The following DNAH10 variants were observed in gnomAD, a reference collection of about 807,000 sequenced individuals.
DNAH10 encodes axonemal beta dynein heavy chain 10.
In DNAH10, 348 loss-of-function variants were observed where a neutral mutation model predicts 506.6. The ratio of observed to expected loss-of-function variants is 0.69; its 90% CI spans 0.63 to 0.75. DNAH10 has a LOEUF of 0.75. DNAH10 is among the 30% of genes least tolerant of loss of function. The pLI is 0.00. For missense variants in DNAH10, 5,179 were observed against 5,787.1 expected (o/e 0.89, Z 3.41); for synonymous variants, 2,059 against 2,198.6 (o/e 0.94, Z 1.78).
intron 30 of DNAH10, among the ~76,000 whole-genome samples, chr12:123,844,213 C>T (rs1008150145): frequency 2.0e-5 from 3 of 152,114 alleles, no homozygotes; most frequent in Admixed American, 6.5e-5. Flanking sequence ...CTCAGTATCA[C>T]GAGAACAGCA....
chr12:123,795,982 T>C (rs1958260676), intron 12 of DNAH10, among the ~76,000 whole-genome samples: 1 of 152,110 alleles, frequency 6.6e-6, no homozygotes, highest in South Asian at 2.1e-4. Context: ...CTATAGCCCA[T>C]GAATATGTAT....
In DNAH10 at chr12:123,928,701, A is replaced by G; in HGVS notation, c.12306+114A>G. 1 of 1,237,954 alleles carries G rather than the reference A, an allele frequency of 8.1e-7. No individual in the cohort carries two copies. The highest frequency in any genetic ancestry group is 1.1e-6 in the Non-Finnish European group (1 of 909,392). The allele number at this position is 1,237,954 out of a possible 1,614,324, so 76.7% of individuals were successfully genotyped here. ...TGTGTAGAAATAAACCTTAGGCTGCAGGTGAAACCTTGCGGTTGAAACCCT... is the reference window on the plus strand; with the variant it reads ...TGTGTAGAAATAAACCTTAGGCTGCGGGTGAAACCTTGCGGTTGAAACCCT... On this transcript the variant is annotated intron_variant, in intron 70 of 78. Transcript: ENST00000673944. This position sits in a 1 kb window ranked among gnomAD's most constrained non-coding sequence, Gnocchi z 4.9.
chr12:123,909,702 G>A lies in DNAH10; in HGVS notation c.9997+260G>A, dbSNP rs914820966. Among the ~76,000 whole-genome samples, 6 of 152,238 alleles carry A rather than the reference G, an allele frequency of 3.9e-5. No homozygotes were observed. Among genetic ancestry groups the A allele is most frequent in the African/African-American group, 7.2e-5 (3 of 41,462 alleles). Reference sequence around the variant, plus strand: ...GATTCGGCACTAGTCCTAGCTCTCCGTGTCAGGAAACAGGATCTTCTCATT... The same window carrying A: ...GATTCGGCACTAGTCCTAGCTCTCCATGTCAGGAAACAGGATCTTCTCATT... On this transcript the variant is annotated intron_variant, in intron 58 of 78. Coordinates refer to ENST00000673944, the MANE Select transcript of DNAH10 (RefSeq NM_001372106.1). This position sits in a 1 kb window ranked among gnomAD's most constrained non-coding sequence, Gnocchi z 5.4.
intron 5 of DNAH10, among the ~76,000 whole-genome samples, chr12:123,780,830 T>C (rs1594000493): frequency 6.7e-6 from 1 of 148,776 alleles, no homozygotes; most frequent in Non-Finnish European, 1.5e-5. Flanking sequence ...GTGCCTGTAA[T>C]CCCAGCCACT....
rs776110448 is a variant in DNAH10 at position 123,771,582 on chromosome 12, A to G, written c.299-19A>G. 3.1e-6 allele frequency: 5 copies of G among 1,606,828 alleles called. No homozygotes were observed. In the South Asian group the frequency reaches 5.6e-5, roughly 18 times the overall value. ...TAATTTTCTGATTATTTTCTCTTAA[A>G]CTGATTGCTGTTTTGCAGCTAAGCG... is the stretch of plus-strand genomic sequence containing the variant. On this transcript the variant is annotated intron_variant, in intron 2 of 78. Coordinates refer to ENST00000673944, the MANE Select transcript of DNAH10 (RefSeq NM_001372106.1).
At position 123,901,524 on chromosome 12, in the gene DNAH10, T is replaced by C. The variant is rs566577200; in HGVS notation, c.9641-1415T>C. The stretch of plus-strand genomic sequence containing the variant: ...TGTGGAGATGGGTTCCGAGAGACCT[T>C]ATCATGGGGGAGGCAGAGCCTCTGC... On this transcript the variant is annotated intron_variant, in intron 56 of 78. Coordinates refer to ENST00000673944, the MANE Select transcript of DNAH10 (RefSeq NM_001372106.1). Among the ~76,000 whole-genome samples, 4 of 152,320 alleles carry C rather than the reference T, an allele frequency of 2.6e-5. No homozygotes were observed. In the South Asian group the frequency reaches 8.3e-4, roughly 32 times the overall value.
chr12:123,810,666 C>A (rs1958897137), intron 19 of DNAH10, among the ~76,000 whole-genome samples: 1 of 151,768 alleles, frequency 6.6e-6, no homozygotes, highest in South Asian at 2.1e-4. Context: ...GCACTCCAGC[C>A]TGGGCGACAG....
Position 123,885,092 on chromosome 12 carries a change from T to C in DNAH10, c.8824-2050T>C, listed in dbSNP as rs550804935. On this transcript the variant is annotated intron_variant, in intron 51 of 78. Transcript: ENST00000673944. ...TCAACTTACAATGGGTTTATCTGGA[T>C]GTGACCCCATCGTTAAGTTGAGGAG... is the stretch of plus-strand genomic sequence containing the variant. Among the ~76,000 whole-genome samples the C allele has an allele frequency of 2.0e-5, 3 of 152,368 alleles. No homozygotes were observed. In the South Asian group the frequency reaches 6.2e-4, roughly 32 times the overall value.
rs559416991 is a variant in DNAH10 at position 123,770,970 on chromosome 12, A to C, written c.299-631A>C. On this transcript the variant is annotated intron_variant, in intron 2 of 78. Transcript: ENST00000673944. ...GAGTAAATGCTAACATGCTAGCTGT[A>C]ATTCTTTTTTTTTTTTTTTTTTGAG... Among the ~76,000 whole-genome samples the C allele has an allele frequency of 4.9e-3, 603 of 121,834 alleles. 10 individuals are homozygous for C. Among genetic ancestry groups the C allele is most frequent in the African/African-American group, 0.022 (563 of 25,968 alleles). The allele number at this position is 121,834 out of a possible 152,430, so 79.9% of individuals were successfully genotyped here. A position where few individuals can be genotyped will look rare whatever the true frequency, so the allele number is the denominator to read the frequency against.
intron 47 of DNAH10, among the ~76,000 whole-genome samples, 168 bp downstream of exon 47, chr12:123,875,659 T>A (rs1952225981): frequency 6.6e-6 from 1 of 152,220 alleles, no homozygotes; most frequent in African/African-American, 2.4e-5. Flanking sequence ...AAAAATCATC[T>A]TTATACGATG....
At chr12:123,839,606 A>G (rs541037368) in intron 29 of DNAH10, among the ~76,000 whole-genome samples, 1 of 151,432 alleles carries the variant, frequency 6.6e-6, no homozygotes, top group East Asian at 1.9e-4. Context: ...AAGTTGTACA[A>G]ATTTGCAATA....
In DNAH10 at chr12:123,784,533, C is replaced by T. The variant is rs922187337; in HGVS notation, c.1230+356C>T. On this transcript the variant is annotated intron_variant, in intron 8 of 78. Coordinates refer to ENST00000673944, the MANE Select transcript of DNAH10 (RefSeq NM_001372106.1). Reference sequence around the variant, plus strand: ...CTACACTCCAGCCTGGGCAACATAGCGAGACCCTGTCTCAAAAAAAACCTC... The same window carrying T: ...CTACACTCCAGCCTGGGCAACATAGTGAGACCCTGTCTCAAAAAAAACCTC... Among the ~76,000 whole-genome samples the T allele has an allele frequency of 7.2e-5, 11 of 151,980 alleles. No individual in the cohort carries two copies. In the South Asian group the frequency reaches 1.2e-3, roughly 17 times the overall value.
intron 38 of DNAH10, among the ~76,000 whole-genome samples, chr12:123,859,862 G>A (rs191234633): frequency 4.0e-4 from 60 of 151,830 alleles, no homozygotes; most frequent in African/African-American, 1.3e-3. Flanking sequence ...ATGAGACTCC[G>A]TCTCCACATT....
intron 36 of DNAH10, among the ~76,000 whole-genome samples, chr12:123,855,800 A>G (rs770368947): frequency 6.6e-6 from 1 of 150,830 alleles, no homozygotes. Context: ...TCTGGCCGAG[A>G]TCTGTTTTCT....
At chr12:123,781,377 G>A in intron 6 of DNAH10, 78 bp downstream of exon 6, 1 of 1,351,164 alleles carries the variant, frequency 7.4e-7, no homozygotes, top group East Asian at 2.3e-5. Context: ...ATGCCACCAT[G>A]CCTGGCTAAC....
intron 25 of DNAH10, among the ~76,000 whole-genome samples, chr12:123,828,182 A>G (rs989952642): frequency 7.4e-6 from 1 of 135,008 alleles, no homozygotes; most frequent in Non-Finnish European, 1.5e-5. Context: ...AGTAATTATT[A>G]AAAAAAAAAA....
chr12:123,905,138 G>A (rs1033258584), intron 57 of DNAH10, among the ~76,000 whole-genome samples: 4 of 152,116 alleles, frequency 2.6e-5, no homozygotes, highest in Non-Finnish European at 2.9e-5. Flanking sequence ...CATCTTTTCT[G>A]CTTAGCAGTA....
intron 9 of DNAH10, among the ~76,000 whole-genome samples, chr12:123,786,282 A>C (rs1245035235): frequency 6.6e-6 from 1 of 151,130 alleles, no homozygotes; most frequent in Non-Finnish European, 1.5e-5. Flanking sequence ...ACACCATTAC[A>C]TTCCAACCTG....
chr12:123,900,825 C>A (rs1375147992), intron 56 of DNAH10, among the ~76,000 whole-genome samples: 4 of 152,162 alleles, frequency 2.6e-5, no homozygotes, highest in African/African-American at 9.7e-5. Flanking sequence ...TCTGTCCATG[C>A]TGAGACTTTG....
Sources: allele counts gnomAD v4.1 joint callset (sites outside exome capture counted in the v4.1 genomes callset), GRCh38; gene constraint gnomAD v4.1.1; non-coding constraint Gnocchi (gnomAD v3.1); transcripts MANE v1.5; gene names NCBI Gene and HGNC (gene_info 2026-07-23, HGNC 2026-07-21).